Variants in DOCK5 observed in about 807,000 individuals in gnomAD.
DOCK5 encodes dedicator of cytokinesis 5.
A neutral mutation model predicts 251.8 loss-of-function variants in DOCK5; 142 were observed. That is an observed-to-expected ratio of 0.56 (90% CI 0.49 to 0.65). DOCK5 has a LOEUF of 0.65. Among genes scored for constraint, DOCK5 ranks in the 30% least tolerant of loss-of-function variants. DOCK5 has a pLI of 0.00. For missense variants in DOCK5, 2,111 were observed against 2,312.3 expected, an observed-to-expected ratio of 0.91 and a Z score of 1.79; for synonymous variants, 842 against 835.5, an observed-to-expected ratio of 1.01 and a Z score of -0.13.
chr8:25,284,158 T>C (rs1171882722), intron 5 of DOCK5, among the ~76,000 whole-genome samples: 1 of 152,228 alleles, frequency 6.6e-6, no homozygotes, highest in African/African-American at 2.4e-5. Flanking sequence ...GACAAGTCCC[T>C]TGATCTCCTT....
chr8:25,221,441 C>T (rs1429857006), intron 1 of DOCK5, among the ~76,000 whole-genome samples: 4 of 152,082 alleles, frequency 2.6e-5, no homozygotes, highest in South Asian at 2.1e-4. Flanking sequence ...CTTGAGTAGC[C>T]GGGATTACAG....
chr8:25,341,506 G>T (rs1396752254), intron 23 of DOCK5, among the ~76,000 whole-genome samples: 1 of 152,194 alleles, frequency 6.6e-6, no homozygotes, highest in Non-Finnish European at 1.5e-5. Context: ...AACTCCAAGT[G>T]GACAGAGCCT....
intron 1 of DOCK5, among the ~76,000 whole-genome samples, chr8:25,191,453 A>T (rs913372156): frequency 6.6e-6 from 1 of 152,158 alleles, no homozygotes; most frequent in Admixed American, 6.5e-5. Flanking sequence ...CATGTATTGG[A>T]TTTATCATAG....
chr8:25,301,702 CAAA>C (rs5890221), intron 9 of DOCK5, among the ~76,000 whole-genome samples: 1 of 136,828 alleles, frequency 7.3e-6, no homozygotes, highest in African/African-American at 2.7e-5. Flanking sequence ...GAGACCTTGT[CAAA>C]AAAAAAAAAA....
At chr8:25,306,753 G>A (rs144084202) in intron 11 of DOCK5, among the ~76,000 whole-genome samples, 413 of 152,082 alleles carry the variant, frequency 2.7e-3, no homozygotes, top group African/African-American at 9.3e-3. Context: ...GTAATACAAT[G>A]TTAATTTGTT....
At chr8:25,292,522 G>A (rs1419653678) in intron 6 of DOCK5, among the ~76,000 whole-genome samples, 4 of 152,110 alleles carry the variant, frequency 2.6e-5, no homozygotes, top group African/African-American at 4.8e-5. Flanking sequence ...GATGAGGCTC[G>A]AGGATCACTT....
intron 4 of DOCK5, among the ~76,000 whole-genome samples, chr8:25,275,777 A>G (rs969691043): frequency 6.6e-6 from 1 of 152,210 alleles, no homozygotes; most frequent in Non-Finnish European, 1.5e-5. Flanking sequence ...CAGAGCTCGC[A>G]GTGAGCTGAG....
chr8:25,361,850 G>A (rs769981683), intron 28 of DOCK5, among the ~76,000 whole-genome samples: 5 of 152,162 alleles, frequency 3.3e-5, no homozygotes, highest in Non-Finnish European at 5.9e-5. Context: ...AATATGGTTA[G>A]CAATAGGACC....
Position 25,313,441 on chromosome 8 carries a change from C to G in DOCK5, c.1318+2909C>G, listed in dbSNP as rs1396126847. ...ATTTCCTTCCCTTCTCATTGGTGAC[C>G]CCTCACTTTTCTCTGCTTCTCCATT... On this transcript the variant is annotated intron_variant, in intron 13 of 51. Transcript: ENST00000276440. Among the ~76,000 whole-genome samples, 3 of 152,062 alleles carry G rather than the reference C, an allele frequency of 2.0e-5. No homozygotes were observed. The East Asian group carries it at 5.8e-4, about 29-fold the overall frequency.
intron 26 of DOCK5, among the ~76,000 whole-genome samples, chr8:25,348,962 C>T (rs1329774230): frequency 1.3e-5 from 2 of 152,160 alleles, no homozygotes; most frequent in Non-Finnish European, 2.9e-5. Context: ...ACTTGCACAA[C>T]TATTTAGGGC....
At chr8:25,406,522 A>G (rs1468149178) in intron 48 of DOCK5, among the ~76,000 whole-genome samples, 2 of 152,162 alleles carry the variant, frequency 1.3e-5, no homozygotes. Context: ...TTTTCCGTTG[A>G]TATAGGTATA....
rs1369493038 is a variant in DOCK5, at chr8:25,410,964, TGTGTGTGTGCGC to T, written c.5509-228_5509-217del. ...ATGTGTGTGTGTGTGTGTGTGTGTG[TGTGTGTGTGCGC>T]GCGCGCGCACGCACGCACGCACGCA... On this transcript the variant is annotated intron_variant, in intron 51 of 51. Coordinates refer to ENST00000276440, the MANE Select transcript of DOCK5 (RefSeq NM_024940.8). 0.022 allele frequency among the ~76,000 whole-genome samples: 666 copies of T among 30,620 alleles called. 5 individuals are homozygous for T. The East Asian group carries it at 0.22, about 10-fold the overall frequency. 20.1% of individuals were successfully genotyped at this position (30,620 alleles called of 152,430 possible). A position where few individuals can be genotyped will look rare whatever the true frequency, so the allele number is the denominator to read the frequency against.
At chr8:25,346,382 C>T (rs1198199699) in intron 26 of DOCK5, among the ~76,000 whole-genome samples, 1 of 152,226 alleles carries the variant, frequency 6.6e-6, no homozygotes, top group Non-Finnish European at 1.5e-5. Context: ...TTCTTATCCT[C>T]TGATGCCTAA....
chr8:25,380,265 C>G, intron 38 of DOCK5, 40 bp from the exon 39 acceptor site: 1 of 1,564,448 alleles, frequency 6.4e-7, no homozygotes, highest in Non-Finnish European at 8.7e-7. Context: ...CAATGACTGC[C>G]TTGTTCTCCA....
At chr8:25,248,892 G>A (rs1037500713) in intron 2 of DOCK5, among the ~76,000 whole-genome samples, 1 of 152,204 alleles carries the variant, frequency 6.6e-6, no homozygotes, top group Non-Finnish European at 1.5e-5. Flanking sequence ...GTATTACAAG[G>A]CAGAGGTGCT....
chr8:25,221,798 G>C (rs1350569944), intron 1 of DOCK5, among the ~76,000 whole-genome samples: 1 of 152,178 alleles, frequency 6.6e-6, no homozygotes, highest in Non-Finnish European at 1.5e-5. Flanking sequence ...GATTGGCAGA[G>C]GAGAAAATGA....
intron 5 of DOCK5, among the ~76,000 whole-genome samples, chr8:25,291,078 T>A (rs2117149767): frequency 6.6e-6 from 1 of 152,240 alleles, no homozygotes; most frequent in Admixed American, 6.5e-5. Flanking sequence ...TGGAGACTGG[T>A]ATGAAATGCA....
intron 13 of DOCK5, among the ~76,000 whole-genome samples, chr8:25,312,657 G>A (rs1805132361): frequency 6.6e-6 from 1 of 151,628 alleles, no homozygotes; most frequent in Non-Finnish European, 1.5e-5. Flanking sequence ...CAGTTACTCA[G>A]GAGGCTGAGG....
At chr8:25,317,654 A>G (rs1267822976) in intron 14 of DOCK5, among the ~76,000 whole-genome samples, 2 of 152,206 alleles carry the variant, frequency 1.3e-5, no homozygotes, top group Non-Finnish European at 2.9e-5. Flanking sequence ...TCTGTCGCCC[A>G]GGCTGGAGTG....
Sources: gnomAD v4.1 joint callset for allele counts (sites outside exome capture counted in the v4.1 genomes callset) on GRCh38, gnomAD v4.1.1 for gene constraint, MANE v1.5 for transcripts, NCBI Gene and HGNC (gene_info 2026-07-23, HGNC 2026-07-21) for gene names.